GRM7: variants seen among roughly 807,000 people sequenced by gnomAD.
GRM7 encodes the protein metabotropic glutamate receptor 7.
A neutral mutation model predicts 84.5 loss-of-function variants in GRM7; 35 were observed. The observed-to-expected ratio is 0.41, with a 90% CI of 0.32 to 0.55. The LOEUF (loss-of-function observed/expected upper bound fraction) is 0.55. Among genes scored for constraint, GRM7 ranks in the 20% least tolerant of loss-of-function variants. The pLI, the probability that GRM7 is intolerant of heterozygous loss-of-function variation, is 0.19. For missense variants in GRM7, 1,003 were observed against 1,194.6 expected (o/e 0.84, Z 2.36); for synonymous variants, 487 against 455.1 (o/e 1.07, Z -0.89).
intron 2 of GRM7, among the ~76,000 whole-genome samples, chr3:7,149,140 T>A (rs889126841): frequency 6.6e-6 from 1 of 152,174 alleles, no homozygotes; most frequent in Non-Finnish European, 1.5e-5. Flanking sequence ...AGTGATTTAG[T>A]TGCATGAACT....
intron 2 of GRM7, among the ~76,000 whole-genome samples, chr3:7,251,782 C>T (rs2055737): frequency 0.2 from 30,441 of 152,128 alleles, 3,722 homozygotes; most frequent in Middle Eastern, 0.37. Context: ...GTGACTCCCC[C>T]AAAATGTTCT....
intron 1 of GRM7, among the ~76,000 whole-genome samples, chr3:6,879,213 T>G (rs1044927961): frequency 1.7e-4 from 26 of 152,224 alleles, no homozygotes; most frequent in Admixed American, 1.1e-3. Flanking sequence ...AACCAGTAAG[T>G]AGTAGATTAA....
chr3:7,176,228 G>GT (rs1491576430), intron 2 of GRM7, among the ~76,000 whole-genome samples: 2 of 13,996 alleles, frequency 1.4e-4, no homozygotes, highest in African/African-American at 6.9e-4. Context: ...TCTATAAAAA[G>GT]TAAAAAAAAA....
At chr3:6,941,353 G>C (rs951156200) in intron 1 of GRM7, among the ~76,000 whole-genome samples, 11 of 152,154 alleles carry the variant, frequency 7.2e-5, no homozygotes, top group African/African-American at 2.4e-4. Context: ...GTCTTTGGGA[G>C]CTGAAAACAT....
chr3:6,943,188 A>G (rs1344855930), intron 1 of GRM7, among the ~76,000 whole-genome samples: 1 of 151,848 alleles, frequency 6.6e-6, no homozygotes, highest in African/African-American at 2.4e-5. Context: ...AGAGTCTTTC[A>G]AAAAACTGAA....
chr3:7,428,560 A>G (rs1016898110), intron 5 of GRM7, among the ~76,000 whole-genome samples: 2 of 152,136 alleles, frequency 1.3e-5, no homozygotes, highest in Admixed American at 1.3e-4. Context: ...TCATGATATC[A>G]CTTGGGTTGT....
intron 1 of GRM7, among the ~76,000 whole-genome samples, chr3:7,045,791 T>G (rs902137238): frequency 6.6e-6 from 1 of 152,138 alleles, no homozygotes; most frequent in African/African-American, 2.4e-5. Flanking sequence ...CAGTGGACAT[T>G]TAGGTTGTTT....
At chr3:7,131,246 T>C (rs1693588904) in intron 1 of GRM7, among the ~76,000 whole-genome samples, 1 of 152,142 alleles carries the variant, frequency 6.6e-6, no homozygotes. Context: ...AGTGACCTGC[T>C]TCAAATGTCA....
intron 8 of GRM7, among the ~76,000 whole-genome samples, chr3:7,661,983 A>G (rs1294179480): frequency 6.6e-6 from 1 of 152,034 alleles, no homozygotes; most frequent in African/African-American, 2.4e-5. Flanking sequence ...AGTAGTTGCC[A>G]AAACTGGAAG....
At chr3:7,730,828 T>A (rs938482890) in intron 9 of GRM7, among the ~76,000 whole-genome samples, 3 of 152,206 alleles carry the variant, frequency 2.0e-5, no homozygotes, top group African/African-American at 7.2e-5. Context: ...ATTGAAATTA[T>A]AAAATGCACA....
chr3:7,665,932 A>G (rs1024122876), intron 8 of GRM7, among the ~76,000 whole-genome samples: 4 of 152,194 alleles, frequency 2.6e-5, no homozygotes, highest in Non-Finnish European at 5.9e-5. Context: ...CTTTGGAATT[A>G]TTATACTCCT....
chr3:7,723,285 G>A (rs1702017023), intron 9 of GRM7, among the ~76,000 whole-genome samples: 2 of 151,918 alleles, frequency 1.3e-5, no homozygotes, highest in Non-Finnish European at 2.9e-5. Flanking sequence ...TCCCTTTATT[G>A]CTCCTAATGG....
chr3:7,011,036 A>T (rs1484342430), intron 1 of GRM7, among the ~76,000 whole-genome samples: 1 of 152,144 alleles, frequency 6.6e-6, no homozygotes, highest in East Asian at 1.9e-4. Context: ...TAGAGTCAGA[A>T]TACTTAGGTT....
At chr3:7,279,455 CA>C (rs1699182111) in intron 2 of GRM7, among the ~76,000 whole-genome samples, 1 of 152,106 alleles carries the variant, frequency 6.6e-6, no homozygotes, top group Non-Finnish European at 1.5e-5. Context: ...CCATATGGAG[CA>C]GATGAGAACC....
chr3:7,351,794 A>G (rs992365714), intron 4 of GRM7, among the ~76,000 whole-genome samples: 1 of 151,396 alleles, frequency 6.6e-6, no homozygotes, highest in Non-Finnish European at 1.5e-5. Flanking sequence ...GGACTCTGAG[A>G]GTTCCACCAG....
At chr3:7,233,297 T>G (rs1403461601) in intron 2 of GRM7, among the ~76,000 whole-genome samples, 1 of 152,174 alleles carries the variant, frequency 6.6e-6, no homozygotes, top group Non-Finnish European at 1.5e-5. Context: ...TAAAAAGACT[T>G]CTTGATCACT....
At chr3:7,120,078 C>G (rs1693167672) in intron 1 of GRM7, among the ~76,000 whole-genome samples, 1 of 151,822 alleles carries the variant, frequency 6.6e-6, no homozygotes, top group African/African-American at 2.4e-5. Flanking sequence ...CAAAAAGTCT[C>G]AGAATATTAA....
intron 2 of GRM7, among the ~76,000 whole-genome samples, chr3:7,166,530 G>A (rs1574981472): frequency 6.6e-6 from 1 of 152,248 alleles, no homozygotes; most frequent in African/African-American, 2.4e-5. Flanking sequence ...CCCCAACTGG[G>A]AGATTATTTT....
intron 2 of GRM7, among the ~76,000 whole-genome samples, chr3:7,149,700 G>A (rs2125068854): frequency 6.6e-6 from 1 of 152,236 alleles, no homozygotes; most frequent in South Asian, 2.1e-4. Context: ...TAACAATTTT[G>A]ACACATGCTT....
Sources: gnomAD v4.1 joint callset for allele counts (sites outside exome capture counted in the v4.1 genomes callset) on GRCh38, gnomAD v4.1.1 for gene constraint, MANE v1.5 for transcripts, NCBI Gene and HGNC (gene_info 2026-07-23, HGNC 2026-07-21) for gene names.